Variants in NRIP1 observed in about 807,000 individuals in gnomAD.
NRIP1 encodes the protein nuclear receptor interacting protein 1.
A neutral mutation model predicts 75.0 loss-of-function variants in NRIP1; 28 were observed. The observed-to-expected ratio is 0.37, with a 90% CI of 0.28 to 0.51. The LOEUF is 0.51. Among genes scored for constraint, NRIP1 ranks in the 20% least tolerant of loss-of-function variants. The probability of loss-of-function intolerance (pLI) is 0.92; values close to 1 mark genes in which losing one functional copy is unlikely to be tolerated. For synonymous variants in NRIP1, 526 were observed against 487.6 expected, an observed-to-expected ratio of 1.08 and a Z score of -1.04; for missense variants, 1,435 against 1,343.7, an observed-to-expected ratio of 1.07 and a Z score of -1.06.
chr21:15,057,349 G>A (rs1749991740), intron 1 of NRIP1, among the ~76,000 whole-genome samples: 3 of 152,200 alleles, frequency 2.0e-5, no homozygotes, highest in Non-Finnish European at 4.4e-5. Context: ...AAGAAACATA[G>A]TTGCTTTCAC....
chr21:14,990,029 G>T (rs769784648), intron 3 of NRIP1, among the ~76,000 whole-genome samples: 1 of 151,998 alleles, frequency 6.6e-6, no homozygotes, highest in African/African-American at 2.4e-5. Flanking sequence ...TTGTAAATTT[G>T]TAAATATGAC....
rs543109873 is a variant in NRIP1 at position 14,994,155 on chromosome 21, T to C, written c.-335+20189A>G. Among the ~76,000 whole-genome samples, 18 of 152,194 alleles carry C rather than the reference T, an allele frequency of 1.2e-4. No homozygotes were observed. In the Middle Eastern group the frequency reaches 0.01, roughly 86 times the overall value. On this transcript the variant is annotated intron_variant, in intron 3 of 3. Coordinates refer to ENST00000318948, the MANE Select transcript of NRIP1 (RefSeq NM_003489.4). The stretch of plus-strand genomic sequence containing the variant: ...TGGGGTGGGGGCGCAGACTGAGTCT[T>C]GCTCTATCGCCCAGGCTGGAGTGCA...
chr21:15,042,021 CAG>C (rs555945269), intron 2 of NRIP1, among the ~76,000 whole-genome samples: 25 of 152,228 alleles, frequency 1.6e-4, no homozygotes, highest in East Asian at 1.2e-3. Context: ...ATCTTAAACA[CAG>C]AGTTTCCATT....
At chr21:14,979,292 T>C (rs1480262842) in intron 3 of NRIP1, among the ~76,000 whole-genome samples, 2 of 152,220 alleles carry the variant, frequency 1.3e-5, no homozygotes, top group Non-Finnish European at 2.9e-5. Context: ...AGAAATGTAA[T>C]GGAAAATGGA....
chr21:15,022,909 G>T (rs2088413493), intron 2 of NRIP1, among the ~76,000 whole-genome samples: 1 of 152,232 alleles, frequency 6.6e-6, no homozygotes, highest in African/African-American at 2.4e-5. Flanking sequence ...AAAAAGGAAT[G>T]AAGTGCTGAC....
chr21:15,032,498 A>C (rs2088727688), intron 2 of NRIP1, among the ~76,000 whole-genome samples: 1 of 125,666 alleles, frequency 8.0e-6, no homozygotes, highest in Non-Finnish European at 1.7e-5. Flanking sequence ...TGATGGCTCT[A>C]AAAAAAAAAA....
intron 2 of NRIP1, among the ~76,000 whole-genome samples, chr21:15,021,579 G>A (rs978810675): frequency 1.3e-5 from 2 of 151,828 alleles, no homozygotes; most frequent in Non-Finnish European, 2.9e-5. Flanking sequence ...CCTAAATAAA[G>A]CCATGAAAAA....
intron 2 of NRIP1, among the ~76,000 whole-genome samples, chr21:15,028,255 C>T (rs1006629698): frequency 2.6e-5 from 4 of 152,166 alleles, no homozygotes; most frequent in Non-Finnish European, 5.9e-5. Flanking sequence ...ACTAATTCCT[C>T]TTCAAAAGAA....
intron 1 of NRIP1, among the ~76,000 whole-genome samples, chr21:15,059,667 T>C (rs1246066430): frequency 1.3e-5 from 2 of 152,162 alleles, no homozygotes; most frequent in Non-Finnish European, 2.9e-5. Flanking sequence ...GGACTCATAA[T>C]TTGTTTAGCA....
intron 1 of NRIP1, among the ~76,000 whole-genome samples, chr21:15,053,593 A>T (rs1378402732): frequency 6.6e-6 from 1 of 152,216 alleles, no homozygotes; most frequent in Non-Finnish European, 1.5e-5. Context: ...ATACCGACTG[A>T]CACTAATGAA....
At position 14,967,652 on chromosome 21, in the gene NRIP1, C is replaced by T. The variant is rs748383151; in HGVS notation, c.541G>A (p.Ala181Thr). ...AACAAAGTTTTTAAGTGACTTGATG[C>T]AACACCATAGCACCTTAAATCCTTC... ...VEKDLRCYGV[A>T]SSHLKTLLKK... The change falls in exon 4 of 4, where the codon GCA (alanine) becomes ACA (threonine). Residue 181 changes from alanine to threonine, a missense_variant. Physicochemically the swap from Ala to Thr is moderately conservative, Grantham distance 58. Coordinates refer to ENST00000318948, the MANE Select transcript of NRIP1 (RefSeq NM_003489.4). 2 of 1,613,986 alleles carry T rather than the reference C, an allele frequency of 1.2e-6. No individual in the cohort carries two copies. The highest frequency in any genetic ancestry group is 2.2e-5 in the South Asian group (2 of 91,054).
chr21:14,965,225 G>T lies in NRIP1; in HGVS notation c.2968C>A (p.Gln990Lys), dbSNP rs747397143. 6.2e-7 allele frequency: 1 copy of T among 1,613,962 alleles called. No homozygotes were observed. The highest frequency in any genetic ancestry group is 2.2e-5 in the East Asian group (1 of 44,876). ...SLNGLMYSSTQPSSCMDNRTF... is the reference protein window; with the variant it reads ...SLNGLMYSSTKPSSCMDNRTF... ...CTGTTATCCATGCAACTGCTGGGCTGAGTGGAACTGTACATCAGTCCATTT... is the reference window on the plus strand; with the variant it reads ...CTGTTATCCATGCAACTGCTGGGCTTAGTGGAACTGTACATCAGTCCATTT... Residue 990 changes from glutamine to lysine, a missense_variant, in exon 4 of 4, where the codon CAG becomes AAG. Coordinates refer to ENST00000318948, the MANE Select transcript of NRIP1 (RefSeq NM_003489.4).
At chr21:15,031,120 T>C (rs1600898233) in intron 2 of NRIP1, among the ~76,000 whole-genome samples, 2 of 131,292 alleles carry the variant, frequency 1.5e-5, no homozygotes, top group Non-Finnish European at 3.4e-5. Flanking sequence ...CCTTTCTATG[T>C]GTATACACTC....
intron 3 of NRIP1, among the ~76,000 whole-genome samples, chr21:14,973,510 C>G (rs115392566): frequency 3.3e-5 from 5 of 152,038 alleles, no homozygotes; most frequent in African/African-American, 1.2e-4. Context: ...AAAGCTAACT[C>G]AGTGATGTTT....
At chr21:15,048,825 G>C (rs2147353824) in intron 1 of NRIP1, among the ~76,000 whole-genome samples, 1 of 152,330 alleles carries the variant, frequency 6.6e-6, no homozygotes, top group African/African-American at 2.4e-5. Context: ...CAAAAAAGTA[G>C]AATGTGTGTA....
intron 3 of NRIP1, among the ~76,000 whole-genome samples, chr21:14,993,153 T>C (rs1403520172): frequency 6.6e-6 from 1 of 152,058 alleles, no homozygotes; most frequent in Non-Finnish European, 1.5e-5. Context: ...GGCTATGTAG[T>C]TATACCTTTG....
At chr21:15,037,127 C>T (rs2088853349) in intron 2 of NRIP1, among the ~76,000 whole-genome samples, 1 of 152,072 alleles carries the variant, frequency 6.6e-6, no homozygotes, top group East Asian at 1.9e-4. Flanking sequence ...AAAGAGCATT[C>T]TACATATCAC....
intron 2 of NRIP1, among the ~76,000 whole-genome samples, chr21:15,015,345 A>G (rs1330533606): frequency 6.6e-6 from 1 of 152,212 alleles, no homozygotes; most frequent in Non-Finnish European, 1.5e-5. Context: ...CACACATGTC[A>G]AAACTTGTCA....
chr21:15,009,685 TTAAG>T (rs1260444193), intron 3 of NRIP1, among the ~76,000 whole-genome samples: 1 of 152,152 alleles, frequency 6.6e-6, no homozygotes, highest in Non-Finnish European at 1.5e-5. Context: ...TCTAGAAACT[TTAAG>T]TAATCACCTC....
Sources: gnomAD v4.1 joint callset for allele counts (sites outside exome capture counted in the v4.1 genomes callset) on GRCh38, gnomAD v4.1.1 for gene constraint, MANE v1.5 for transcripts, NCBI Gene and HGNC (gene_info 2026-07-23, HGNC 2026-07-21) for gene names.